Variants in MTRF1 observed in about 807,000 individuals in gnomAD.
MTRF1 encodes mitochondrial translation release factor 1.
Under a neutral mutation model 62.9 loss-of-function variants are expected in MTRF1, and 51 were observed. That is an observed-to-expected ratio of 0.81 (90% CI 0.65 to 1.02). The LOEUF is 1.02. MTRF1 is among the 50% of genes least tolerant of loss of function. The probability of loss-of-function intolerance (pLI) is 0.00; values close to 1 mark genes in which losing one functional copy is unlikely to be tolerated. For missense variants in MTRF1, 446 were observed against 530.0 expected (o/e 0.84, Z 1.56); for synonymous variants, 158 against 181.9 (o/e 0.87, Z 1.06).
chr13:41,274,040 G>T, the MTRF1 span, among the ~76,000 whole-genome samples: 1 of 152,196 alleles, frequency 6.6e-6, no homozygotes, highest in Admixed American at 6.5e-5. Context: ...GTGAGACCAG[G>T]GGTGACTTTG....
chr13:41,274,605 C>G, the MTRF1 span, among the ~76,000 whole-genome samples: 1 of 151,802 alleles, frequency 6.6e-6, no homozygotes, highest in African/African-American at 2.4e-5. Context: ...GCAGTGCTTG[C>G]GGCTGGAATG....
the MTRF1 span, among the ~76,000 whole-genome samples, chr13:41,274,712 GTT>G: frequency 6.6e-6 from 1 of 151,210 alleles, no homozygotes; most frequent in African/African-American, 2.4e-5. Flanking sequence ...TTGAGACACA[GTT>G]TCACTCTGCT....
At chr13:41,224,792 A>T (rs2034051783) in intron 8 of MTRF1, among the ~76,000 whole-genome samples, 1 of 152,238 alleles carries the variant, frequency 6.6e-6, no homozygotes, top group African/African-American at 2.4e-5. Flanking sequence ...ATCCCTATTA[A>T]AACATTTCAG....
At chr13:41,289,948 T>G in the MTRF1 span, among the ~76,000 whole-genome samples, 1 of 152,300 alleles carries the variant, frequency 6.6e-6, no homozygotes, top group Admixed American at 6.5e-5. Context: ...AACAACTTTT[T>G]GCAGGGAAAA....
intron 8 of MTRF1, among the ~76,000 whole-genome samples, chr13:41,225,664 C>A (rs1031633030): frequency 2.6e-5 from 4 of 151,798 alleles, no homozygotes; most frequent in Non-Finnish European, 4.4e-5. Context: ...TGTAGCATAG[C>A]CAGGTGTAGT....
the MTRF1 span, among the ~76,000 whole-genome samples, chr13:41,273,313 G>C: frequency 4.0e-4 from 59 of 145,782 alleles, no homozygotes; most frequent in East Asian, 3.9e-3. Flanking sequence ...GCTACAGAGC[G>C]AGACTCCGTC....
chr13:41,263,247 G>A (rs1430354235), intron 1 of MTRF1: 1 of 1,286,978 alleles, frequency 7.8e-7, no homozygotes, highest in East Asian at 5.6e-5. Context: ...AACAAAACAA[G>A]ATGTTTACTC....
At chr13:41,233,557 A>G (rs1372516473) in intron 7 of MTRF1, among the ~76,000 whole-genome samples, 1 of 152,208 alleles carries the variant, frequency 6.6e-6, no homozygotes, top group Non-Finnish European at 1.5e-5. Flanking sequence ...CTGTCATGCT[A>G]CAAGGTGACA....
the MTRF1 span, among the ~76,000 whole-genome samples, chr13:41,284,973 T>A: frequency 1.3e-5 from 2 of 152,186 alleles, no homozygotes; most frequent in Admixed American, 6.5e-5. Flanking sequence ...CTTTTAAGTT[T>A]ACTCCCCTTG....
chr13:41,276,415 G>T, the MTRF1 span, among the ~76,000 whole-genome samples: 1 of 151,868 alleles, frequency 6.6e-6, no homozygotes, highest in African/African-American at 2.4e-5. Flanking sequence ...CAAGTGATCC[G>T]CCTGCCTTGG....
intron 8 of MTRF1, among the ~76,000 whole-genome samples, chr13:41,224,906 A>C (rs1005352153): frequency 3.9e-5 from 6 of 152,176 alleles, no homozygotes; most frequent in Non-Finnish European, 8.8e-5. Context: ...AATCTTGAAT[A>C]CCTATTTTAA....
At chr13:41,275,585 C>T in the MTRF1 span, among the ~76,000 whole-genome samples, 92,413 of 151,558 alleles carry the variant, frequency 0.61, 30,806 homozygotes, top group South Asian at 0.75. Context: ...CTCTGTCTCC[C>T]GGGTTCAAAT....
At chr13:41,249,053 T>G (rs555264106) in intron 5 of MTRF1, among the ~76,000 whole-genome samples, 110 of 152,246 alleles carry the variant, frequency 7.2e-4, no homozygotes, top group African/African-American at 2.6e-3. Context: ...TGAAACTGTT[T>G]CTTTTCAACT....
the MTRF1 span, among the ~76,000 whole-genome samples, chr13:41,284,100 T>TATCTGTAGC: frequency 7.1e-6 from 1 of 141,778 alleles, no homozygotes; most frequent in Non-Finnish European, 1.6e-5. Context: ...AACACTTTCC[T>TATCTGTAGC]ATCTGTAGCC....
chr13:41,270,442 A>G, the MTRF1 span, among the ~76,000 whole-genome samples: 4 of 152,206 alleles, frequency 2.6e-5, no homozygotes, highest in Non-Finnish European at 2.9e-5. Flanking sequence ...ACATAAATAC[A>G]TAGACATATT....
the MTRF1 span, among the ~76,000 whole-genome samples, chr13:41,283,257 A>AAT: frequency 1.3e-5 from 2 of 152,166 alleles, no homozygotes; most frequent in Non-Finnish European, 2.9e-5. Flanking sequence ...GATCCTGTAT[A>AAT]AACCATTTCC....
At chr13:41,248,139 G>A (rs971585549) in intron 5 of MTRF1, among the ~76,000 whole-genome samples, 4 of 152,114 alleles carry the variant, frequency 2.6e-5, no homozygotes, top group Non-Finnish European at 4.4e-5. Context: ...CCCTTCACTC[G>A]AGGTACTGTG....
chr13:41,310,576 A>T, the MTRF1 span, among the ~76,000 whole-genome samples: 1 of 152,230 alleles, frequency 6.6e-6, no homozygotes, highest in Non-Finnish European at 1.5e-5. Flanking sequence ...AGGCTGAGGC[A>T]GGAGAATCCT....
chr13:41,276,435 G>C, the MTRF1 span, among the ~76,000 whole-genome samples: 1 of 152,048 alleles, frequency 6.6e-6, no homozygotes, highest in Non-Finnish European at 1.5e-5. Flanking sequence ...GCCTCCTAAA[G>C]TGCTGGGATT....
Sources: allele counts gnomAD v4.1 joint callset (sites outside exome capture counted in the v4.1 genomes callset), GRCh38; gene constraint gnomAD v4.1.1; transcripts MANE v1.5; gene names NCBI Gene and HGNC (gene_info 2026-07-23, HGNC 2026-07-21).